PACC1: variants seen among roughly 807,000 people sequenced by gnomAD.
PACC1 encodes proton-activated chloride channel.
A neutral mutation model predicts 39.7 loss-of-function variants in PACC1; 34 were observed. The ratio of observed to expected loss-of-function variants is 0.86; its 90% CI spans 0.65 to 1.14. The LOEUF is 1.14. Ranked by LOEUF, PACC1 falls within the 50% of genes most tolerant of loss-of-function variation. The pLI, the probability that PACC1 is intolerant of heterozygous loss-of-function variation, is 0.00. For missense variants in PACC1, 379 were observed against 436.4 expected (o/e 0.87, Z 1.17); for synonymous variants, 127 against 160.6 (o/e 0.79, Z 1.58).
In PACC1 at chr1:212,412,284, G is replaced by A. The variant is rs79939969; in HGVS notation, c.37-1763C>T. Among the ~76,000 whole-genome samples, 1,342 of 152,224 alleles carry A rather than the reference G, an allele frequency of 8.8e-3. 7 individuals carry two copies. Among genetic ancestry groups the A allele is most frequent in the Non-Finnish European group, 0.015 (1,045 of 67,992 alleles). On this transcript the variant is annotated intron_variant, in intron 1 of 7. Transcript: ENST00000261455. ...AAGGGAGAGGAGGATGTTAGTCCTGGGAAATCTCAAAGTTCCCTGATTCAA... is the reference window on the plus strand; with the variant it reads ...AAGGGAGAGGAGGATGTTAGTCCTGAGAAATCTCAAAGTTCCCTGATTCAA...
intron 4 of PACC1, among the ~76,000 whole-genome samples, chr1:212,381,638 T>C (rs965081729): frequency 6.6e-6 from 1 of 151,288 alleles, no homozygotes; most frequent in African/African-American, 2.4e-5. Flanking sequence ...AAAAGGGAAC[T>C]GCTTGCCCTC....
At chr1:212,385,561 C>T in intron 3 of PACC1, 136 bp from the exon 4 acceptor site, 1 of 934,160 alleles carries the variant, frequency 1.1e-6, no homozygotes, top group Non-Finnish European at 1.6e-6. Flanking sequence ...AAAAGGGTTT[C>T]AGAGGGTGAG....
Position 212,414,836 on chromosome 1 carries a change from T to C in PACC1, c.-79A>G. 3.2e-6 allele frequency: 5 copies of C among 1,574,330 alleles called. No individual in the cohort carries two copies. The highest frequency in any genetic ancestry group is 1.1e-5 in the South Asian group (1 of 89,688). Reference sequence around the variant, plus strand: ...GACGCAGCACTGCGGCCGCTGCACCTGGACCTACCGGCTCCGCGAGGCGAA... The same window carrying C: ...GACGCAGCACTGCGGCCGCTGCACCCGGACCTACCGGCTCCGCGAGGCGAA... On this transcript the variant is annotated 5_prime_UTR_variant, in exon 1 of 8. Coordinates refer to ENST00000261455, the MANE Select transcript of PACC1 (RefSeq NM_018252.3).
intron 2 of PACC1, among the ~76,000 whole-genome samples, chr1:212,407,873 G>C (rs1661975235): frequency 6.6e-6 from 1 of 152,124 alleles, no homozygotes. Context: ...TCATGGGTTT[G>C]AGACCAGCCT....
At chr1:212,369,250 A>G (rs1240182461) in intron 7 of PACC1, among the ~76,000 whole-genome samples, 1 of 152,204 alleles carries the variant, frequency 6.6e-6, no homozygotes, top group Non-Finnish European at 1.5e-5. Context: ...ATAAAAATAA[A>G]AAGTAAGGAA....
At chr1:212,411,997 C>A (rs1157314749) in intron 1 of PACC1, among the ~76,000 whole-genome samples, 1 of 151,986 alleles carries the variant, frequency 6.6e-6, no homozygotes, top group Non-Finnish European at 1.5e-5. Context: ...AAAAATTAGC[C>A]GGGCATAATA....
chr1:212,402,608 G>A (rs1661756816), intron 2 of PACC1, among the ~76,000 whole-genome samples: 1 of 152,034 alleles, frequency 6.6e-6, no homozygotes, highest in Non-Finnish European at 1.5e-5. Flanking sequence ...CCATTCTGTG[G>A]GCTGTCTTTT....
In PACC1 at chr1:212,409,601, G is replaced by C. The variant is rs1298092032; in HGVS notation, c.133+824C>G. On this transcript the variant is annotated intron_variant, in intron 2 of 7. Coordinates refer to ENST00000261455, the MANE Select transcript of PACC1 (RefSeq NM_018252.3). ...ACCATTCCTGCAAACAGGAAATACT[G>C]GGAGAGGACCAAGCTGGGACTGAGA... Among the ~76,000 whole-genome samples the C allele has an allele frequency of 2.0e-5, 3 of 152,138 alleles. No homozygotes were observed. The East Asian group carries it at 5.8e-4, about 29-fold the overall frequency.
At chr1:212,411,467 C>CCAGTGGTCTCACCTGT (rs1256366971) in intron 1 of PACC1, among the ~76,000 whole-genome samples, 1 of 152,254 alleles carries the variant, frequency 6.6e-6, no homozygotes, top group Non-Finnish European at 1.5e-5. Context: ...CCTCACTTCA[C>CCAGTGGTCTCACCTGT]CAGTGGTCTC....
intron 2 of PACC1, among the ~76,000 whole-genome samples, chr1:212,392,845 T>A (rs1163114042): frequency 6.6e-6 from 1 of 151,582 alleles, no homozygotes; most frequent in Non-Finnish European, 1.5e-5. Context: ...AAGAAGGCCA[T>A]TACATAATGG....
chr1:212,403,959 T>C (rs1661810862), intron 2 of PACC1, among the ~76,000 whole-genome samples: 1 of 152,140 alleles, frequency 6.6e-6, no homozygotes, highest in Non-Finnish European at 1.5e-5. Flanking sequence ...CCTCTTTGAT[T>C]CTTCCTTCTC....
rs1196037833 is a variant in PACC1, at chr1:212,386,937, A to T, written c.297T>A (p.Pro99=). The T allele has an allele frequency of 2.5e-6, 4 of 1,614,208 alleles. No individual in the cohort carries two copies. The highest frequency in any genetic ancestry group is 3.4e-6 in the Non-Finnish European group (4 of 1,180,042). ...ITDFREKLKH[P]VMSVSYKEVD... ...CTTCCTTGTAAGACACAGACATGAC[A>T]GGGTGCTTGAGTTTCTCACGAAAGT... The change falls in exon 3 of 8, where the codon CCT becomes CCA. Residue 99 remains proline, a synonymous_variant. Transcript: ENST00000261455. This position sits in a 1 kb window ranked among gnomAD's most constrained non-coding sequence, Gnocchi z 5.0.
intron 2 of PACC1, among the ~76,000 whole-genome samples, chr1:212,408,361 ATTTTAT>A (rs1662000349): frequency 6.7e-6 from 1 of 148,250 alleles, no homozygotes; most frequent in African/African-American, 2.6e-5. Context: ...TTTTTACTTT[ATTTTAT>A]TTTTTTTTTT....
intron 7 of PACC1, among the ~76,000 whole-genome samples, chr1:212,369,011 G>T (rs1660346289): frequency 7.0e-6 from 1 of 142,856 alleles, no homozygotes; most frequent in Admixed American, 7.2e-5. Context: ...GGGTGACAGG[G>T]TGAGACTCCG....
chr1:212,395,672 T>G (rs557199328), intron 2 of PACC1, among the ~76,000 whole-genome samples: 15 of 152,036 alleles, frequency 9.9e-5, no homozygotes, highest in East Asian at 9.6e-4. Flanking sequence ...GGGAGAAAAT[T>G]TTTGCAATCT....
At chr1:212,405,374 C>A in intron 2 of PACC1, among the ~76,000 whole-genome samples, 1 of 152,180 alleles carries the variant, frequency 6.6e-6, no homozygotes, top group East Asian at 1.9e-4. Context: ...GGATGGATAA[C>A]AATTAACTGA....
chr1:212,368,412 G>A (rs930321832), intron 7 of PACC1, among the ~76,000 whole-genome samples: 1 of 152,114 alleles, frequency 6.6e-6, no homozygotes, highest in Middle Eastern at 3.2e-3. Flanking sequence ...CAATCCGGGA[G>A]AGAGAGATGT....
chr1:212,403,825 A>G (rs1661803217), intron 2 of PACC1, among the ~76,000 whole-genome samples: 1 of 151,982 alleles, frequency 6.6e-6, no homozygotes, highest in African/African-American at 2.4e-5. Flanking sequence ...TCAGCCTCCC[A>G]AAGTGCTGGG....
Position 212,365,322 on chromosome 1 carries a change from C to G in PACC1, c.946G>C (p.Ala316Pro). 1 of 1,613,522 alleles carries G rather than the reference C, an allele frequency of 6.2e-7. No homozygotes were observed. Among genetic ancestry groups the G allele is most frequent in the Non-Finnish European group, 8.5e-7 (1 of 1,179,888 alleles). The change falls in exon 8 of 8, where the codon GCA becomes CCA. Residue 316 changes from alanine to proline, a missense_variant. Transcript: ENST00000261455. ...TIALLCGAFL[A>P]LFKAAEFAKL... is the part of the protein sequence containing the mutation. ...GCAAACTCTGCTGCTTTAAATAATG[C>G]CAAGAAGGCGCCACAGAGAAGAGCA...
Sources: allele counts gnomAD v4.1 joint callset (sites outside exome capture counted in the v4.1 genomes callset), GRCh38; gene constraint gnomAD v4.1.1; non-coding constraint Gnocchi (gnomAD v3.1); transcripts MANE v1.5; gene names NCBI Gene and HGNC (gene_info 2026-07-23, HGNC 2026-07-21).